SYNPR: variants seen among roughly 807,000 people sequenced by gnomAD.
SYNPR encodes synaptoporin.
A neutral mutation model predicts 32.9 loss-of-function variants in SYNPR; 23 were observed. The observed-to-expected ratio is 0.70, with a 90% CI of 0.50 to 0.99. SYNPR has a LOEUF of 0.99. Ranked by LOEUF, SYNPR falls within the 50% of genes least tolerant of loss-of-function variation. The pLI is 0.00. For synonymous variants in SYNPR, 146 were observed against 135.9 expected (o/e 1.07, Z -0.52); for missense variants, 318 against 349.3 (o/e 0.91, Z 0.71).
intron 2 of SYNPR, among the ~76,000 whole-genome samples, chr3:63,413,331 T>C (rs2107120329): frequency 6.6e-6 from 1 of 152,332 alleles, no homozygotes; most frequent in African/African-American, 2.4e-5. Context: ...TGTTACCTTT[T>C]TGCCACAGTT....
chr3:63,317,008 C>G lies in SYNPR; in HGVS notation c.84+38266C>G, dbSNP rs555336794. Reference sequence around the variant, plus strand: ...TTTTGACCCAGTGCTCATTCAGGAGCAGGTTATTTAATTTTCATGTATTTT... The same window carrying G: ...TTTTGACCCAGTGCTCATTCAGGAGGAGGTTATTTAATTTTCATGTATTTT... On this transcript the variant is annotated intron_variant, in intron 2 of 5. Transcript: ENST00000478300. 1.9e-4 allele frequency among the ~76,000 whole-genome samples: 29 copies of G among 152,006 alleles called. No homozygotes were observed. The South Asian group carries it at 5.8e-3, about 30-fold the overall frequency.
At chr3:63,363,193 G>A (rs1010889444) in intron 2 of SYNPR, among the ~76,000 whole-genome samples, 1 of 151,902 alleles carries the variant, frequency 6.6e-6, no homozygotes, top group Non-Finnish European at 1.5e-5. Flanking sequence ...TTTTTACTTT[G>A]CCCGGCATAT....
intron 2 of SYNPR, among the ~76,000 whole-genome samples, chr3:63,430,050 T>C (rs546760554): frequency 1.3e-4 from 20 of 152,320 alleles, no homozygotes; most frequent in Admixed American, 1.1e-3. Flanking sequence ...CGTCTGATTT[T>C]TTTTTCTTGG....
intron 2 of SYNPR, among the ~76,000 whole-genome samples, chr3:63,427,074 T>C (rs1699905573): frequency 6.6e-6 from 1 of 151,812 alleles, no homozygotes; most frequent in Non-Finnish European, 1.5e-5. Context: ...AAATTCAAAC[T>C]TGGAAGACCA....
chr3:63,430,880 T>C (rs1377051274), intron 2 of SYNPR, among the ~76,000 whole-genome samples: 1 of 152,154 alleles, frequency 6.6e-6, no homozygotes, highest in Non-Finnish European at 1.5e-5. Context: ...AAAGTAAGTG[T>C]TCCATGAGTA....
intron 2 of SYNPR, among the ~76,000 whole-genome samples, chr3:63,391,870 C>T (rs1487095337): frequency 2.0e-5 from 3 of 152,088 alleles, no homozygotes; most frequent in Non-Finnish European, 4.4e-5. Flanking sequence ...TGTATGTACC[C>T]GATGTCTCGT....
At chr3:63,218,898 G>T in the SYNPR span, among the ~76,000 whole-genome samples, 1 of 152,190 alleles carries the variant, frequency 6.6e-6, no homozygotes, top group South Asian at 2.1e-4. Flanking sequence ...ACTCCTTGGA[G>T]CTTTTAATTG....
intron 2 of SYNPR, among the ~76,000 whole-genome samples, chr3:63,262,377 C>T (rs554738184): frequency 2.0e-4 from 30 of 152,154 alleles, no homozygotes; most frequent in Non-Finnish European, 3.8e-4. Context: ...GCTCTGAGGC[C>T]CAATGTGCTT....
At chr3:63,238,348 A>T (rs1017306939) in intron 1 of SYNPR, among the ~76,000 whole-genome samples, 1 of 151,980 alleles carries the variant, frequency 6.6e-6, no homozygotes, top group Non-Finnish European at 1.5e-5. Context: ...CAAATCATTC[A>T]ATTTTTTTTT....
chr3:63,322,470 G>T (rs2087121074), intron 2 of SYNPR, among the ~76,000 whole-genome samples: 1 of 152,040 alleles, frequency 6.6e-6, no homozygotes, highest in Non-Finnish European at 1.5e-5. Flanking sequence ...GTAAGTCAGG[G>T]CTTAAATCCA....
At chr3:63,547,432 T>TG (rs1413053587) in intron 3 of SYNPR, among the ~76,000 whole-genome samples, 1 of 152,112 alleles carries the variant, frequency 6.6e-6, no homozygotes, top group African/African-American at 2.4e-5. Flanking sequence ...CCTGAGACTC[T>TG]GGGAAGGCAG....
At chr3:63,320,095 G>T (rs186228521) in intron 2 of SYNPR, among the ~76,000 whole-genome samples, 1 of 152,030 alleles carries the variant, frequency 6.6e-6, no homozygotes, top group Non-Finnish European at 1.5e-5. Flanking sequence ...GACTATAGAT[G>T]TGCAGCACCA....
chr3:63,328,298 G>A (rs2106978714), intron 2 of SYNPR, among the ~76,000 whole-genome samples: 1 of 152,218 alleles, frequency 6.6e-6, no homozygotes, highest in Middle Eastern at 3.4e-3. Context: ...CTCCCTTTCT[G>A]GGAATGTCCA....
intron 4 of SYNPR, among the ~76,000 whole-genome samples, chr3:63,601,022 C>T (rs1700033048): frequency 6.6e-6 from 1 of 152,178 alleles, no homozygotes; most frequent in Admixed American, 6.5e-5. Context: ...CCTATAATCC[C>T]AGCACTTTGG....
intron 3 of SYNPR, among the ~76,000 whole-genome samples, chr3:63,548,298 C>T (rs926751792): frequency 5.3e-5 from 8 of 152,048 alleles, no homozygotes; most frequent in Non-Finnish European, 1.2e-4. Flanking sequence ...TTTTCCACTA[C>T]TCTGTGCCAA....
chr3:63,242,085 AC>A (rs1241842611), intron 1 of SYNPR, among the ~76,000 whole-genome samples: 3 of 152,112 alleles, frequency 2.0e-5, no homozygotes, highest in Non-Finnish European at 4.4e-5. Context: ...CGAGGAAAGA[AC>A]CCCTTCTAAT....
chr3:63,538,597 C>G (rs948291324), intron 3 of SYNPR, among the ~76,000 whole-genome samples: 2 of 152,006 alleles, frequency 1.3e-5, no homozygotes, highest in Admixed American at 1.3e-4. Context: ...GATAGGATGT[C>G]ATTTCCCACA....
intron 2 of SYNPR, among the ~76,000 whole-genome samples, chr3:63,446,220 C>T (rs1422330514): frequency 6.6e-6 from 1 of 151,362 alleles, no homozygotes; most frequent in African/African-American, 2.4e-5. Flanking sequence ...GCAATTCCAA[C>T]GGAATCATTT....
chr3:63,343,973 A>G lies in SYNPR; in HGVS notation c.84+65231A>G, dbSNP rs138780814. On this transcript the variant is annotated intron_variant, in intron 2 of 5. Transcript: ENST00000478300. ...GTTTATAGTGATGTAAATGCAGCCAAACCCCCGAGTGAAGCCTCACAGATG... is the reference window on the plus strand; with the variant it reads ...GTTTATAGTGATGTAAATGCAGCCAGACCCCCGAGTGAAGCCTCACAGATG... 5.8e-3 allele frequency among the ~76,000 whole-genome samples: 880 copies of G among 152,336 alleles called. 9 individuals carry two copies. The highest frequency in any genetic ancestry group is 0.02 in the African/African-American group (811 of 41,566).
Sources: allele counts gnomAD v4.1 joint callset (sites outside exome capture counted in the v4.1 genomes callset), GRCh38; gene constraint gnomAD v4.1.1; transcripts MANE v1.5; gene names NCBI Gene and HGNC (gene_info 2026-07-23, HGNC 2026-07-21).